The following PLEKHG1 variants were observed in gnomAD, a reference collection of about 807,000 sequenced individuals.
The protein encoded by PLEKHG1 is pleckstrin homology and RhoGEF domain containing G1.
In PLEKHG1, 44 loss-of-function variants were observed where a neutral mutation model predicts 100.8. That is an observed-to-expected ratio of 0.44 (90% confidence interval 0.34 to 0.56). The LOEUF (loss-of-function observed/expected upper bound fraction) is 0.56, where lower values mean the gene tolerates loss of function less well. PLEKHG1 is among the 20% of genes least tolerant of loss of function. The pLI is 0.01. For missense variants in PLEKHG1, 1,545 were observed against 1,720.9 expected, an observed-to-expected ratio of 0.90 and a Z score of 1.81; for synonymous variants, 640 against 662.5, an observed-to-expected ratio of 0.97 and a Z score of 0.52.
intron 3 of PLEKHG1, among the ~76,000 whole-genome samples, chr6:150,771,343 G>A (rs1784704982): frequency 6.6e-6 from 1 of 151,844 alleles, no homozygotes; most frequent in African/African-American, 2.4e-5. Flanking sequence ...CTTGAACCCG[G>A]GAGGTGGAGG....
chr6:150,681,976 C>T (rs1321755747), intron 3 of PLEKHG1, among the ~76,000 whole-genome samples: 3 of 152,186 alleles, frequency 2.0e-5, no homozygotes, highest in African/African-American at 2.4e-5. Flanking sequence ...GACTCCACCC[C>T]GATTCTAAAA....
intron 4 of PLEKHG1, among the ~76,000 whole-genome samples, chr6:150,795,633 A>G (rs1451005567): frequency 6.6e-6 from 1 of 151,756 alleles, no homozygotes; most frequent in Admixed American, 6.6e-5. Context: ...GAGGCAGGAT[A>G]ATCGCTTGAA....
At chr6:150,796,776 C>T (rs1204195263) in intron 5 of PLEKHG1, among the ~76,000 whole-genome samples, 2 of 152,038 alleles carry the variant, frequency 1.3e-5, no homozygotes, top group Admixed American at 1.3e-4. Context: ...AACTGAGGCT[C>T]TGATAGGTAA....
intron 4 of PLEKHG1, among the ~76,000 whole-genome samples, chr6:150,791,234 T>G (rs1416957562): frequency 6.6e-6 from 1 of 152,160 alleles, no homozygotes; most frequent in South Asian, 2.1e-4. Flanking sequence ...TCCAGGTAAT[T>G]CTGATACTCA....
intron 3 of PLEKHG1, among the ~76,000 whole-genome samples, chr6:150,671,198 T>C (rs1327340037): frequency 6.6e-6 from 1 of 152,150 alleles, no homozygotes; most frequent in African/African-American, 2.4e-5. Context: ...GCTATAAACA[T>C]GCCTGTGTAA....
chr6:150,765,107 TC>T (rs1327412121), intron 2 of PLEKHG1, among the ~76,000 whole-genome samples: 1 of 152,162 alleles, frequency 6.6e-6, no homozygotes, highest in Non-Finnish European at 1.5e-5. Flanking sequence ...TTCAGAGGCA[TC>T]CCAACGTAAT....
In PLEKHG1 at chr6:150,733,439, C is replaced by T. The variant is rs1021562723; in HGVS notation, c.-98-145C>T. 1.1e-5 allele frequency: 7 copies of T among 634,518 alleles called. No homozygotes were observed. The Admixed American group carries it at 2.2e-4, about 20-fold the overall frequency. 39.3% of individuals were successfully genotyped at this position (634,518 alleles called of 1,614,324 possible). On this transcript the variant is annotated intron_variant, in intron 1 of 15. Coordinates refer to ENST00000358517, the Ensembl canonical transcript of PLEKHG1. ...AGAAACACTGATTTTGCATCTCACT[C>T]CACCACAGGTACCTTTGCATCCCTT... is the stretch of plus-strand genomic sequence containing the variant.
chr6:150,709,784 CGTTTGTTT>C (rs774105763), intron 3 of PLEKHG1, among the ~76,000 whole-genome samples: 7 of 152,024 alleles, frequency 4.6e-5, no homozygotes, highest in African/African-American at 1.7e-4. Flanking sequence ...ATGGTGTTTT[CGTTTGTTT>C]GTTTGTTTGT....
intron 3 of PLEKHG1, among the ~76,000 whole-genome samples, chr6:150,698,477 C>T (rs1780634209): frequency 7.7e-6 from 1 of 129,714 alleles, no homozygotes; most frequent in African/African-American, 2.9e-5. Flanking sequence ...AACCTGATTG[C>T]GTGTGTATAC....
At chr6:150,791,430 G>A (rs1785975321) in intron 4 of PLEKHG1, among the ~76,000 whole-genome samples, 1 of 152,124 alleles carries the variant, frequency 6.6e-6, no homozygotes, top group Admixed American at 6.6e-5. Flanking sequence ...GGGAGGCCAA[G>A]GTGGGTGGAT....
At chr6:150,710,462 G>A (rs139943480) in intron 3 of PLEKHG1, among the ~76,000 whole-genome samples, 240 of 152,222 alleles carry the variant, frequency 1.6e-3, no homozygotes, top group Non-Finnish European at 2.8e-3. Flanking sequence ...CAGTCCAAGC[G>A]ATGAGGCAGG....
chr6:150,607,616 C>A (rs1295302744), intron 1 of PLEKHG1, among the ~76,000 whole-genome samples: 1 of 152,138 alleles, frequency 6.6e-6, no homozygotes, highest in Admixed American at 6.5e-5. Flanking sequence ...GTGTGAAGGT[C>A]AGAGTCAAAG....
chr6:150,815,752 T>C (rs1244388484), intron 10 of PLEKHG1, among the ~76,000 whole-genome samples: 1 of 152,214 alleles, frequency 6.6e-6, no homozygotes, highest in African/African-American at 2.4e-5. Context: ...ATATCACAGA[T>C]GGTAGCAAAA....
At chr6:150,645,028 C>A (rs1778433428) in intron 2 of PLEKHG1, among the ~76,000 whole-genome samples, 1 of 151,796 alleles carries the variant, frequency 6.6e-6, no homozygotes, top group Non-Finnish European at 1.5e-5. Flanking sequence ...TCATAAGTAG[C>A]CAAAATAATT....
intron 3 of PLEKHG1, among the ~76,000 whole-genome samples, chr6:150,655,960 C>G (rs1239505607): frequency 6.6e-6 from 1 of 151,766 alleles, no homozygotes; most frequent in Non-Finnish European, 1.5e-5. Flanking sequence ...GTTGGGGGGC[C>G]AGGAGAGGTA....
intron 10 of PLEKHG1, among the ~76,000 whole-genome samples, chr6:150,810,514 A>AAAAG (rs370057036): frequency 0.064 from 5,685 of 88,562 alleles, 325 homozygotes; most frequent in African/African-American, 0.15. Flanking sequence ...GAAAGAAAGA[A>AAAAG]AAAGAAAGAA....
At chr6:150,769,597 AAAAAAAGAAAG>A (rs1245928053) in intron 3 of PLEKHG1, among the ~76,000 whole-genome samples, 3 of 151,542 alleles carry the variant, frequency 2.0e-5, no homozygotes, top group South Asian at 2.1e-4. Context: ...AAAAAAAAAA[AAAAAAAGAAAG>A]AAAAAAGAAA....
intron 3 of PLEKHG1, among the ~76,000 whole-genome samples, chr6:150,777,523 T>C (rs1785052078): frequency 6.8e-6 from 1 of 147,192 alleles, no homozygotes; most frequent in Admixed American, 6.8e-5. Flanking sequence ...GCAATCCTGG[T>C]GCACATGTGC....
intron 1 of PLEKHG1, among the ~76,000 whole-genome samples, chr6:150,621,375 A>ATTTT (rs111639263): frequency 7.1e-6 from 1 of 141,450 alleles, no homozygotes; most frequent in Non-Finnish European, 1.5e-5. Flanking sequence ...GCACAAATCA[A>ATTTT]TTTTTTTTTT....
Sources: gnomAD v4.1 joint callset for allele counts (sites outside exome capture counted in the v4.1 genomes callset) on GRCh38, gnomAD v4.1.1 for gene constraint, MANE v1.5 for transcripts, NCBI Gene and HGNC (gene_info 2026-07-23, HGNC 2026-07-21) for gene names.